Variants in CERT1 observed in about 807,000 individuals in gnomAD.
The protein encoded by CERT1 is ceramide transfer protein.
In CERT1, 31 loss-of-function variants were observed where a neutral mutation model predicts 87.9. The observed-to-expected ratio is 0.35, with a 90% CI of 0.27 to 0.48. CERT1 has a LOEUF of 0.48. Ranked by LOEUF, CERT1 falls within the 20% of genes least tolerant of loss-of-function variation. The pLI is 0.99. For missense variants in CERT1, 487 were observed against 758.0 expected, an observed-to-expected ratio of 0.64 and a Z score of 4.20; for synonymous variants, 289 against 250.9, an observed-to-expected ratio of 1.15 and a Z score of -1.44.
intron 2 of CERT1, among the ~76,000 whole-genome samples, chr5:75,475,406 A>T (rs766968721): frequency 1.3e-5 from 2 of 152,118 alleles, no homozygotes; most frequent in African/African-American, 2.4e-5. Context: ...AAGTGATAGA[A>T]CCCTGTCTGC....
chr5:75,414,933 C>A (rs954177447), intron 7 of CERT1, among the ~76,000 whole-genome samples: 1 of 152,006 alleles, frequency 6.6e-6, no homozygotes, highest in African/African-American at 2.4e-5. Flanking sequence ...ATATTGTTAT[C>A]ATTGTACTTT....
At chr5:75,492,760 A>G (rs1420406108) in intron 2 of CERT1, among the ~76,000 whole-genome samples, 1 of 152,230 alleles carries the variant, frequency 6.6e-6, no homozygotes, top group East Asian at 1.9e-4. Flanking sequence ...CAGAGCAACT[A>G]TCAACGTCCA....
At chr5:75,447,696 G>C (rs954632112) in intron 3 of CERT1, among the ~76,000 whole-genome samples, 3 of 151,416 alleles carry the variant, frequency 2.0e-5, no homozygotes, top group Non-Finnish European at 4.4e-5. Flanking sequence ...GGATGGTCTC[G>C]ATCTCCTGAC....
At chr5:75,415,885 C>A (rs537245118) in intron 7 of CERT1, among the ~76,000 whole-genome samples, 1 of 151,894 alleles carries the variant, frequency 6.6e-6, no homozygotes, top group Non-Finnish European at 1.5e-5. Flanking sequence ...ATTTTCTATA[C>A]CTTAAAAGGA....
intron 2 of CERT1, among the ~76,000 whole-genome samples, chr5:75,494,688 GT>G (rs1450780635): frequency 6.6e-6 from 1 of 152,166 alleles, no homozygotes; most frequent in Non-Finnish European, 1.5e-5. Flanking sequence ...TGTAGATCTA[GT>G]TTTGAGCTTC....
Position 75,503,803 on chromosome 5 carries a change from T to C in CERT1, c.231+2179A>G, listed in dbSNP as rs144576245. ...TTACAATAAAGTAACACTGTTTTCT[T>C]CCTGAGAAGATGGATATAAATGTTA... On this transcript the variant is annotated intron_variant, in intron 2 of 16. Transcript: ENST00000643780. Among the ~76,000 whole-genome samples, 513 of 151,384 alleles carry C rather than the reference T, an allele frequency of 3.4e-3. 2 individuals carry two copies. Among genetic ancestry groups the C allele is most frequent in the Non-Finnish European group, 4.9e-3 (333 of 67,798 alleles).
At chr5:75,386,131 T>C in intron 12 of CERT1, 97 bp from the exon 13 acceptor site, 2 of 925,526 alleles carry the variant, frequency 2.2e-6, no homozygotes, top group Non-Finnish European at 2.9e-6. Flanking sequence ...TTTAGATTTT[T>C]ATGAAAGTCT....
At chr5:75,458,797 G>C (rs550085009) in intron 3 of CERT1, among the ~76,000 whole-genome samples, 5 of 152,166 alleles carry the variant, frequency 3.3e-5, no homozygotes, top group Non-Finnish European at 5.9e-5. Flanking sequence ...TGATCCACCT[G>C]CCTCGGCCTC....
chr5:75,406,131 G>GT (rs1164032607), intron 8 of CERT1, among the ~76,000 whole-genome samples: 1 of 152,176 alleles, frequency 6.6e-6, no homozygotes, highest in Non-Finnish European at 1.5e-5. Flanking sequence ...AAAACCTATT[G>GT]TCTCAGGATC....
chr5:75,404,193 T>G (rs1762612013), intron 8 of CERT1, among the ~76,000 whole-genome samples: 1 of 150,998 alleles, frequency 6.6e-6, no homozygotes, highest in South Asian at 2.1e-4. Flanking sequence ...GTGGGAGGTA[T>G]GGGGTCACGT....
At chr5:75,394,771 G>T (rs1054556491) in intron 11 of CERT1, among the ~76,000 whole-genome samples, 1 of 152,030 alleles carries the variant, frequency 6.6e-6, no homozygotes, top group Non-Finnish European at 1.5e-5. Context: ...ACTTGAAAAT[G>T]TTCATGGCCT....
intron 2 of CERT1, among the ~76,000 whole-genome samples, chr5:75,461,172 C>A (rs908679250): frequency 8.5e-5 from 13 of 152,144 alleles, no homozygotes; most frequent in African/African-American, 2.9e-4. Flanking sequence ...CCGTGCCAGT[C>A]CATGGGCTGT....
At chr5:75,507,746 G>A (rs941905640) in intron 1 of CERT1, among the ~76,000 whole-genome samples, 4 of 152,134 alleles carry the variant, frequency 2.6e-5, no homozygotes, top group Non-Finnish European at 4.4e-5. Context: ...GTTTTGACAA[G>A]TTACTTTTGT....
At chr5:75,386,126 A>G (rs757707653) in intron 12 of CERT1, 92 bp from the exon 13 acceptor site, 56 of 1,005,240 alleles carry the variant, frequency 5.6e-5, no homozygotes, top group Non-Finnish European at 7.5e-5. Context: ...TGCTCTTTAG[A>G]TTTTTATGAA....
At chr5:75,442,383 G>C (rs1304428162) in intron 3 of CERT1, among the ~76,000 whole-genome samples, 2 of 152,132 alleles carry the variant, frequency 1.3e-5, no homozygotes, top group Non-Finnish European at 2.9e-5. Flanking sequence ...ACCACGTCCA[G>C]CTAATTTTTG....
At chr5:75,444,265 A>G (rs1025184667) in intron 3 of CERT1, among the ~76,000 whole-genome samples, 5 of 152,072 alleles carry the variant, frequency 3.3e-5, no homozygotes, top group African/African-American at 1.2e-4. Context: ...CATCTTGGCC[A>G]GGCTGGTCTT....
chr5:75,411,097 CAGTTTCCTATTAAAA>C lies in CERT1; in HGVS notation c.838-9_843del. 6.4e-7 allele frequency: 1 copy of C among 1,552,816 alleles called. No homozygotes were observed. Among genetic ancestry groups the C allele is most frequent in the South Asian group, 1.2e-5 (1 of 83,396 alleles). On this transcript the variant is annotated splice_acceptor_variant and splice_polypyrimidine_tract_variant and coding_sequence_variant and intron_variant, in exon 8 of 17. Transcript: ENST00000643780. LOFTEE classifies it high-confidence loss of function. ...GCTTCCTCTGTTCTTCTTTTCTTCT[CAGTTTCCTATTAAAA>C]AGAAGTGAAAAATCTGTAATTTGAG...
intron 2 of CERT1, among the ~76,000 whole-genome samples, chr5:75,491,436 A>G (rs888346092): frequency 3.9e-5 from 6 of 152,188 alleles, no homozygotes; most frequent in Non-Finnish European, 7.3e-5. Flanking sequence ...CTAGCCCTTT[A>G]AAGTACTTAT....
intron 3 of CERT1, among the ~76,000 whole-genome samples, chr5:75,444,070 ATTTT>A (rs1437733205): frequency 6.6e-6 from 1 of 151,518 alleles, no homozygotes. Context: ...ATAGTTGATC[ATTTT>A]TTTTGTTTGT....
Sources: gnomAD v4.1 joint callset for allele counts (sites outside exome capture counted in the v4.1 genomes callset) on GRCh38, gnomAD v4.1.1 for gene constraint, MANE v1.5 for transcripts, NCBI Gene and HGNC (gene_info 2026-07-23, HGNC 2026-07-21) for gene names.